ANK2: variants seen among roughly 807,000 people sequenced by gnomAD.
The protein encoded by ANK2 is ankyrin 2.
In ANK2, 83 loss-of-function variants were observed where a neutral mutation model predicts 360.5. The ratio of observed to expected loss-of-function variants is 0.23; its 90% CI spans 0.19 to 0.28. The LOEUF is 0.28. Ranked by LOEUF, ANK2 falls within the 10% of genes least tolerant of loss-of-function variation. The pLI is 1.00. For missense variants in ANK2, 4,201 were observed against 4,795.7 expected (o/e 0.88, Z 3.66); for synonymous variants, 1,740 against 1,759.5 (o/e 0.99, Z 0.28).
At chr4:113,141,336 G>A (rs1434158577) in intron 1 of ANK2, 1 of 152,202 alleles carries the variant, frequency 6.6e-6, no homozygotes, top group Non-Finnish European at 1.5e-5. Flanking sequence ...CAGAGAGTGA[G>A]AAACCATGTG....
chr4:113,145,570 C>T, intron 1 of ANK2: 1 of 1,017,676 alleles, frequency 9.8e-7, no homozygotes, highest in Non-Finnish European at 1.2e-6. Flanking sequence ...GTCTGCCTCA[C>T]CCCCCTCACT....
chr4:112,922,821 C>G (rs545365964), intron 2 of ANK2, among the ~76,000 whole-genome samples: 2 of 152,122 alleles, frequency 1.3e-5, no homozygotes, highest in Non-Finnish European at 2.9e-5. Flanking sequence ...CTCTAATATT[C>G]CTTGTCACTG....
the ANK2 span, among the ~76,000 whole-genome samples, chr4:112,781,662 A>G: frequency 1.3e-5 from 2 of 152,062 alleles, no homozygotes; most frequent in Non-Finnish European, 2.9e-5. Context: ...ACAGGTGCTT[A>G]TTACATAAGT....
chr4:113,113,109 G>C (rs141637295), intron 1 of ANK2, among the ~76,000 whole-genome samples: 77 of 152,006 alleles, frequency 5.1e-4, no homozygotes, highest in African/African-American at 1.8e-3. Flanking sequence ...CCTCAACTAT[G>C]GATTAACACC....
the ANK2 span, among the ~76,000 whole-genome samples, chr4:112,800,469 G>A: frequency 6.6e-6 from 1 of 152,090 alleles, no homozygotes; most frequent in Non-Finnish European, 1.5e-5. Context: ...AGGCCCTCTG[G>A]AGTTCTGGGA....
At position 113,323,787 on chromosome 4, in the gene ANK2, A is replaced by C. The variant is rs772536983; in HGVS notation, c.2900+5167A>C. 3.7e-6 allele frequency: 6 copies of C among 1,611,864 alleles called. No homozygotes were observed. The East Asian group carries it at 1.3e-4, about 36-fold the overall frequency. On this transcript the variant is annotated intron_variant, in intron 26 of 45. Coordinates refer to ENST00000357077, the MANE Select transcript of ANK2 (RefSeq NM_001148.6). ...CGCCTCTCCATGTCTTGAACGTGAC[A>C]ACAGCAGGTGAACTACTGCATAATT...
the ANK2 span, among the ~76,000 whole-genome samples, chr4:112,706,004 G>A: frequency 6.6e-6 from 1 of 151,310 alleles, no homozygotes; most frequent in Non-Finnish European, 1.5e-5. Context: ...ACTCTGCGGC[G>A]CAGGAGCCGG....
intron 34 of ANK2, 103 bp from the exon 35 acceptor site, chr4:113,345,797 G>A: frequency 6.9e-7 from 1 of 1,443,676 alleles, no homozygotes; most frequent in Non-Finnish European, 9.7e-7. Context: ...TTCTTACCTA[G>A]CAGTAACAAA....
At chr4:112,904,645 C>T (rs940501173) in intron 2 of ANK2, 1 of 637,982 alleles carries the variant, frequency 1.6e-6, no homozygotes, top group East Asian at 3.4e-5. Flanking sequence ...ATAGCATTAA[C>T]AATTTTTTAA....
At chr4:113,352,702 G>T (rs1395605353) in intron 37 of ANK2, among the ~76,000 whole-genome samples, 1 of 150,972 alleles carries the variant, frequency 6.6e-6, no homozygotes, top group Non-Finnish European at 1.5e-5. Context: ...AGATACCTCT[G>T]TGTAATTTCA....
the ANK2 span, among the ~76,000 whole-genome samples, chr4:112,761,633 TAAATAAAAATA>T: frequency 0.23 from 34,427 of 151,512 alleles, 4,266 homozygotes; most frequent in East Asian, 0.52. Context: ...AATAAATAAA[TAAATAAAAATA>T]AAATAAAAAT....
chr4:113,322,443 T>A (rs1398786983), intron 26 of ANK2, among the ~76,000 whole-genome samples: 2 of 152,228 alleles, frequency 1.3e-5, no homozygotes, highest in Non-Finnish European at 2.9e-5. Context: ...AACAACATAA[T>A]CTTGGGCAAG....
intron 28 of ANK2, 127 bp from the exon 29 acceptor site, chr4:113,332,927 G>T (rs2092799957): frequency 9.5e-6 from 13 of 1,371,278 alleles, no homozygotes; most frequent in Non-Finnish European, 1.3e-5. Flanking sequence ...GGCTCCAGGG[G>T]ATGGCCCACT....
chr4:113,248,082 T>G (rs2044017232), intron 9 of ANK2, among the ~76,000 whole-genome samples: 1 of 152,216 alleles, frequency 6.6e-6, no homozygotes, highest in South Asian at 2.1e-4. Context: ...TCATGCTAAT[T>G]CTTAGGTACC....
chr4:113,275,007 G>A (rs929690786), intron 15 of ANK2, among the ~76,000 whole-genome samples: 1 of 152,176 alleles, frequency 6.6e-6, no homozygotes, highest in Non-Finnish European at 1.5e-5. Flanking sequence ...TAATGAGGAA[G>A]AGGGTACTGC....
chr4:112,743,597 C>T, the ANK2 span, among the ~76,000 whole-genome samples: 2 of 132,146 alleles, frequency 1.5e-5, no homozygotes, highest in Non-Finnish European at 3.1e-5. Context: ...ACTTTTACTG[C>T]CCTGGCACGA....
intron 1 of ANK2, among the ~76,000 whole-genome samples, chr4:113,124,488 G>T (rs1314445764): frequency 6.6e-6 from 1 of 151,998 alleles, no homozygotes; most frequent in Non-Finnish European, 1.5e-5. Flanking sequence ...TCTTTTGTTT[G>T]GTTGGTTGGT....
chr4:112,921,685 A>ATTTT (rs113107484), intron 2 of ANK2, among the ~76,000 whole-genome samples: 8 of 138,894 alleles, frequency 5.8e-5, no homozygotes, highest in African/African-American at 1.8e-4. Context: ...ATACCATTCT[A>ATTTT]TTTTTTTTTT....
intron 1 of ANK2, among the ~76,000 whole-genome samples, chr4:112,902,314 G>A (rs943378644): frequency 2.0e-5 from 3 of 152,234 alleles, no homozygotes; most frequent in Non-Finnish European, 4.4e-5. Flanking sequence ...AGTTCTAAAT[G>A]TCAGATGGAA....
Sources: allele counts gnomAD v4.1 joint callset (sites outside exome capture counted in the v4.1 genomes callset), GRCh38; gene constraint gnomAD v4.1.1; transcripts MANE v1.5; gene names NCBI Gene and HGNC (gene_info 2026-07-23, HGNC 2026-07-21).